RGS7: variants seen among roughly 807,000 people sequenced by gnomAD.
The protein encoded by RGS7 is regulator of G protein signaling 7.
Under a neutral mutation model 81.1 loss-of-function variants are expected in RGS7, and 27 were observed. That is an observed-to-expected ratio of 0.33 (90% CI 0.25 to 0.46). RGS7 has a LOEUF of 0.46. Among genes scored for constraint, RGS7 ranks in the 20% least tolerant of loss-of-function variants. The probability of loss-of-function intolerance (pLI) is 1.00; values close to 1 mark genes in which losing one functional copy is unlikely to be tolerated. For synonymous variants in RGS7, 208 were observed against 207.7 expected (o/e 1.00, Z -0.01); for missense variants, 396 against 607.4 (o/e 0.65, Z 3.66).
rs1572948728 is a variant in RGS7, at chr1:241,163,649, C to G, written c.79-64887G>C. 1.3e-5 allele frequency among the ~76,000 whole-genome samples: 2 copies of G among 152,274 alleles called. No individual in the cohort carries two copies. Among genetic ancestry groups the G allele is most frequent in the East Asian group, 3.9e-4 (2 of 5,174 alleles). On this transcript the variant is annotated intron_variant, in intron 2 of 18. Transcript: ENST00000440928. The surrounding 1 kb of genome is among the most constrained non-coding windows in gnomAD (Gnocchi z 4.6). ...AGCCAGGGCTCCTCTTCTCTCCCTC[C>G]CATAATCACAACCTGTTTTGCCACA...
At chr1:241,180,705 C>G (rs866713186) in intron 2 of RGS7, among the ~76,000 whole-genome samples, 15 of 152,248 alleles carry the variant, frequency 9.9e-5, no homozygotes, top group Middle Eastern at 3.4e-3. Flanking sequence ...TGTAGAGGAG[C>G]ACTAGATCAA....
intron 2 of RGS7, among the ~76,000 whole-genome samples, chr1:241,287,131 C>T (rs927005238): frequency 5.9e-5 from 9 of 152,168 alleles, no homozygotes; most frequent in African/African-American, 2.2e-4. Flanking sequence ...AGGCAGTCTG[C>T]CCTTTAACAT....
intron 3 of RGS7, among the ~76,000 whole-genome samples, chr1:240,999,200 C>A (rs494075): frequency 0.4 from 60,136 of 151,356 alleles, 13,085 homozygotes; most frequent in East Asian, 0.62. Flanking sequence ...CAGTTTATTT[C>A]CTGAGGCCTT....
At chr1:241,238,398 G>A (rs1380373501) in intron 2 of RGS7, among the ~76,000 whole-genome samples, 1 of 152,032 alleles carries the variant, frequency 6.6e-6, no homozygotes, top group East Asian at 1.9e-4. Context: ...GCTAACCGAG[G>A]ACCAACTATT....
At chr1:241,204,231 A>G (rs2147873246) in intron 2 of RGS7, among the ~76,000 whole-genome samples, 1 of 152,352 alleles carries the variant, frequency 6.6e-6, no homozygotes, top group East Asian at 1.9e-4. Context: ...AATCACAGTC[A>G]ACACCCAAGG....
intron 2 of RGS7, among the ~76,000 whole-genome samples, chr1:241,322,043 C>T (rs1235468186): frequency 2.0e-5 from 3 of 152,164 alleles, no homozygotes; most frequent in Non-Finnish European, 4.4e-5. Flanking sequence ...TCCCACTTGA[C>T]TAACCTTCCT....
At chr1:241,018,848 T>G (rs1456945501) in intron 3 of RGS7, among the ~76,000 whole-genome samples, 2 of 152,156 alleles carry the variant, frequency 1.3e-5, no homozygotes, top group Admixed American at 1.3e-4. Context: ...ATAATTAGGA[T>G]TTTTCCTTTT....
chr1:241,195,344 C>T (rs1004862005), intron 2 of RGS7, among the ~76,000 whole-genome samples: 1 of 151,944 alleles, frequency 6.6e-6, no homozygotes, highest in African/African-American at 2.4e-5. Context: ...GGCATGGTGG[C>T]GGGCACCTGT....
intron 2 of RGS7, among the ~76,000 whole-genome samples, chr1:241,243,449 A>G (rs1476379101): frequency 6.6e-6 from 1 of 152,240 alleles, no homozygotes; most frequent in Admixed American, 6.5e-5. Context: ...AAGAGGATTT[A>G]TTGCAAGAAT....
chr1:241,085,107 T>C (rs540734743), intron 3 of RGS7, among the ~76,000 whole-genome samples: 41 of 152,330 alleles, frequency 2.7e-4, no homozygotes, highest in African/African-American at 9.4e-4. Flanking sequence ...GAGAAGGGAA[T>C]TCTGGTTTCT....
At position 241,085,199 on chromosome 1, in the gene RGS7, G is replaced by A. The variant is rs144110225; in HGVS notation, c.175+13467C>T. Among the ~76,000 whole-genome samples, 6 of 152,316 alleles carry A rather than the reference G, an allele frequency of 3.9e-5. No individual in the cohort carries two copies. The East Asian group carries it at 1.2e-3, about 29-fold the overall frequency. On this transcript the variant is annotated intron_variant, in intron 3 of 18. Coordinates refer to ENST00000440928, the MANE Select transcript of RGS7 (RefSeq NM_001364886.1). ...GAATGGAATTCATCCAATAGGGAAA[G>A]CCTCATTTTTCTCTATGGTAGAATG...
chr1:240,784,081 G>A (rs1222381365), intron 18 of RGS7, among the ~76,000 whole-genome samples: 1 of 151,180 alleles, frequency 6.6e-6, no homozygotes, highest in Non-Finnish European at 1.5e-5. Context: ...CAGCTACTCG[G>A]GAGGCTGAGG....
chr1:241,253,938 G>A (rs2076940579), intron 2 of RGS7, among the ~76,000 whole-genome samples: 2 of 152,174 alleles, frequency 1.3e-5, no homozygotes, highest in Admixed American at 1.3e-4. Context: ...AATTGAGGAG[G>A]AGAGCAGTAG....
At chr1:241,075,170 C>T (rs1405839209) in intron 3 of RGS7, among the ~76,000 whole-genome samples, 1 of 152,036 alleles carries the variant, frequency 6.6e-6, no homozygotes, top group Non-Finnish European at 1.5e-5. Context: ...CATTTAAAGG[C>T]TGCCAAAAAA....
intron 6 of RGS7, among the ~76,000 whole-genome samples, chr1:240,915,828 A>G (rs968992870): frequency 6.6e-6 from 1 of 152,166 alleles, no homozygotes; most frequent in Non-Finnish European, 1.5e-5. Context: ...GAAATTCAAG[A>G]AATAAAAAAC....
At chr1:241,160,246 T>C (rs2069537169) in intron 2 of RGS7, among the ~76,000 whole-genome samples, 2 of 152,226 alleles carry the variant, frequency 1.3e-5, no homozygotes, top group Non-Finnish European at 2.9e-5. Context: ...TGTCATCTTG[T>C]GATACAGACT....
At chr1:241,052,679 A>G (rs1459699061) in intron 3 of RGS7, among the ~76,000 whole-genome samples, 1 of 149,938 alleles carries the variant, frequency 6.7e-6, no homozygotes, top group Non-Finnish European at 1.5e-5. Context: ...TTCTCTAATA[A>G]GCCTGATATA....
chr1:241,192,252 CGTGTGTGTGTGT>C (rs56677676), intron 2 of RGS7, among the ~76,000 whole-genome samples: 67 of 124,756 alleles, frequency 5.4e-4, no homozygotes, highest in Middle Eastern at 4.0e-3. Flanking sequence ...TCTGTCTGCA[CGTGTGTGTGTGT>C]GTGTGTGTGT....
chr1:240,984,078 G>C (rs1265861575), intron 3 of RGS7, among the ~76,000 whole-genome samples: 1 of 152,164 alleles, frequency 6.6e-6, no homozygotes, highest in Non-Finnish European at 1.5e-5. Flanking sequence ...ACTGCACACT[G>C]TCTATATGTA....
Sources: allele counts gnomAD v4.1 joint callset (sites outside exome capture counted in the v4.1 genomes callset), GRCh38; gene constraint gnomAD v4.1.1; non-coding constraint Gnocchi (gnomAD v3.1); transcripts MANE v1.5; gene names NCBI Gene and HGNC (gene_info 2026-07-23, HGNC 2026-07-21).